Variants in PCDHA8 observed in about 807,000 individuals in gnomAD.
The protein encoded by PCDHA8 is protocadherin alpha 8.
A neutral mutation model predicts 61.8 loss-of-function variants in PCDHA8; 53 were observed. The ratio of observed to expected loss-of-function variants is 0.86; its 90% CI spans 0.69 to 1.08. The LOEUF is 1.08. Ranked by LOEUF, PCDHA8 falls within the 50% of genes least tolerant of loss-of-function variation. The probability of loss-of-function intolerance (pLI) is 0.00; values close to 1 mark genes in which losing one functional copy is unlikely to be tolerated. For missense variants in PCDHA8, 1,293 were observed against 1,245.0 expected (o/e 1.04, Z -0.58); for synonymous variants, 618 against 556.6 (o/e 1.11, Z -1.55).
At chr5:140,979,399 G>T (rs1352440599) in intron 2 of PCDHA8, among the ~76,000 whole-genome samples, 1 of 151,708 alleles carries the variant, frequency 6.6e-6, no homozygotes. Flanking sequence ...CATACATGTT[G>T]TCTACCTTGT....
At chr5:140,991,026 T>A (rs1003749305) in intron 3 of PCDHA8, among the ~76,000 whole-genome samples, 8 of 152,210 alleles carry the variant, frequency 5.3e-5, no homozygotes, top group Admixed American at 2.0e-4. Context: ...ACTTTACATA[T>A]GTTGCATACT....
chr5:140,978,702 T>G (rs1200035752), intron 1 of PCDHA8, among the ~76,000 whole-genome samples: 2 of 152,252 alleles, frequency 1.3e-5, no homozygotes, highest in Non-Finnish European at 2.9e-5. Context: ...AAGCCAAAGG[T>G]GGCCTTTACA....
Position 140,843,107 on chromosome 5 carries a change from G to A in PCDHA8, c.1786G>A (p.Ala596Thr). Reference sequence around the variant, plus strand: ...GGGCCACGTGGTAGCGAAGGTGCGCGCAGTGGACGCCGACTCGGGCTACAA... The same window carrying A: ...GGGCCACGTGGTAGCGAAGGTGCGCACAGTGGACGCCGACTCGGGCTACAA... Reference protein sequence around the residue: ...GAGHVVAKVRAVDADSGYNAW... With the variant: ...GAGHVVAKVRTVDADSGYNAW... Residue 596 changes from alanine (A) to threonine (T), a missense_variant, in exon 1 of 4, where the codon GCA becomes ACA. By Grantham distance (58) the Ala-to-Thr change is moderately conservative. Coordinates refer to ENST00000531613, the MANE Select transcript of PCDHA8 (RefSeq NM_018911.3). 2 of 1,595,816 alleles carry A rather than the reference G, an allele frequency of 1.3e-6. No homozygotes were observed. Among genetic ancestry groups the A allele is most frequent in the Non-Finnish European group, 1.7e-6 (2 of 1,165,524 alleles).
intron 1 of PCDHA8, among the ~76,000 whole-genome samples, chr5:140,935,064 T>C (rs782620164): frequency 5.9e-5 from 9 of 152,252 alleles, no homozygotes; most frequent in Admixed American, 2.0e-4. Flanking sequence ...GATGTTCAGA[T>C]TATCTTGTAC....
At position 140,849,459 on chromosome 5, in the gene PCDHA8, G is replaced by A. The variant is rs2150438078; in HGVS notation, c.2394+5744G>A. On this transcript the variant is annotated intron_variant, in intron 1 of 3. Transcript: ENST00000531613. ...TAGAGCACACAAGATCCCAGTCGAG[G>A]CTGTCGATAAAGGCTTCCCACCCCT... 169 of 1,587,860 alleles carry A rather than the reference G, an allele frequency of 1.1e-4. 13 individuals carry two copies. The highest frequency in any genetic ancestry group is 1.4e-4 in the Non-Finnish European group (163 of 1,161,590).
At chr5:140,881,259 C>A in intron 1 of PCDHA8, 1 of 524,594 alleles carries the variant, frequency 1.9e-6, no homozygotes, top group Non-Finnish European at 2.4e-6. Flanking sequence ...AGGTTTTACT[C>A]AGTGATGATG....
At chr5:140,886,827 GAAAAAAA>G (rs782016620) in intron 1 of PCDHA8, among the ~76,000 whole-genome samples, 7 of 60,890 alleles carry the variant, frequency 1.1e-4, no homozygotes, top group African/African-American at 4.2e-4. Context: ...ACTTCGTCTT[GAAAAAAA>G]AAAAAAAAAA....
intron 1 of PCDHA8, among the ~76,000 whole-genome samples, chr5:140,904,620 A>T (rs1419190047): frequency 6.6e-6 from 1 of 151,986 alleles, no homozygotes; most frequent in Non-Finnish European, 1.5e-5. Flanking sequence ...TTTTACTTTT[A>T]GTTCTTTAAG....
chr5:140,896,762 T>C (rs1408695272), intron 1 of PCDHA8, among the ~76,000 whole-genome samples: 1 of 152,224 alleles, frequency 6.6e-6, no homozygotes, highest in Non-Finnish European at 1.5e-5. Context: ...TAGACCTTTG[T>C]TGGATGCATA....
In PCDHA8 at chr5:140,871,231, C is replaced by A. The variant is rs371096811; in HGVS notation, c.2394+27516C>A. The A allele has an allele frequency of 1.9e-6, 3 of 1,613,814 alleles. No individual in the cohort carries two copies. The African/African-American group carries it at 4.0e-5, about 22-fold the overall frequency. On this transcript the variant is annotated intron_variant, in intron 1 of 3. Coordinates refer to ENST00000531613, the MANE Select transcript of PCDHA8 (RefSeq NM_018911.3). ...CGCCATCTGCGTGGTGTCCAGCCTC[C>A]TGGTACTCACGCTGCTGCTGTATAC...
rs1305231081 is a variant in PCDHA8 at position 141,010,857 on chromosome 5, G to A, written c.*920G>A. The A allele has an allele frequency of 6.5e-6, 1 of 153,732 alleles. No homozygotes were observed. The highest frequency in any genetic ancestry group is 2.4e-5 in the African/African-American group (1 of 41,448). 9.5% of individuals were successfully genotyped at this position (153,732 alleles called of 1,614,324 possible). ...ATAGATTTATTTAAAAAAAGAGAAAGTCTATAGCTATAAATCTTTAAAGAG... is the reference window on the plus strand; with the variant it reads ...ATAGATTTATTTAAAAAAAGAGAAAATCTATAGCTATAAATCTTTAAAGAG... On this transcript the variant is annotated 3_prime_UTR_variant, in exon 4 of 4. Transcript: ENST00000531613.
intron 1 of PCDHA8, among the ~76,000 whole-genome samples, chr5:140,885,103 C>G (rs1336980793): frequency 6.6e-6 from 1 of 152,018 alleles, no homozygotes; most frequent in Non-Finnish European, 1.5e-5. Context: ...CACATAAATG[C>G]TTTTTTTAAG....
At chr5:140,920,616 C>A (rs929240808) in intron 1 of PCDHA8, among the ~76,000 whole-genome samples, 1 of 152,012 alleles carries the variant, frequency 6.6e-6, no homozygotes, top group African/African-American at 2.4e-5. Flanking sequence ...GAGGCCGAGG[C>A]GGATGGATCA....
intron 1 of PCDHA8, among the ~76,000 whole-genome samples, chr5:140,917,832 C>T (rs1554198323): frequency 1.3e-5 from 2 of 151,488 alleles, no homozygotes; most frequent in Admixed American, 6.6e-5. Context: ...AGTGTGATGT[C>T]CTTCTTGTTC....
chr5:140,948,705 T>C (rs1585306851), intron 1 of PCDHA8, among the ~76,000 whole-genome samples: 1 of 151,580 alleles, frequency 6.6e-6, no homozygotes, highest in African/African-American at 2.4e-5. Context: ...ATTTGTGTTC[T>C]ATCCTCTTTT....
At position 140,997,438 on chromosome 5, in the gene PCDHA8, A is replaced by G. The variant is rs182158337; in HGVS notation, c.2543-12189A>G. ...CTCCTAGGCTACAAACCTGTATATC[A>G]TGTTACTATACTGAATACTGTAGGC... On this transcript the variant is annotated intron_variant, in intron 3 of 3. Transcript: ENST00000531613. Among the ~76,000 whole-genome samples, 274 of 152,308 alleles carry G rather than the reference A, an allele frequency of 1.8e-3. 2 individuals are homozygous for G. The highest frequency in any genetic ancestry group is 6.0e-3 in the African/African-American group (248 of 41,560).
chr5:140,928,949 T>C, intron 1 of PCDHA8: 1 of 1,614,066 alleles, frequency 6.2e-7, no homozygotes, highest in Non-Finnish European at 8.5e-7. Flanking sequence ...TATTTAGTAA[T>C]TGCCTTGGCT....
At chr5:140,927,678 A>G in intron 1 of PCDHA8, 1 of 1,614,180 alleles carries the variant, frequency 6.2e-7, no homozygotes, top group Non-Finnish European at 8.5e-7. Context: ...ATCCAGATGA[A>G]GGGTCCAATG....
rs544683188 is a variant in PCDHA8 at position 140,871,907 on chromosome 5, C to G, written c.2394+28192C>G. ...TCTTTGTCTTTTAGCAGAGTTTTGC[C>G]TTGATATTTCCACATTGTTAGATCA... On this transcript the variant is annotated intron_variant, in intron 1 of 3. Coordinates refer to ENST00000531613, the MANE Select transcript of PCDHA8 (RefSeq NM_018911.3). Among the ~76,000 whole-genome samples the G allele has an allele frequency of 3.9e-5, 6 of 152,316 alleles. No homozygotes were observed. In the South Asian group the frequency reaches 1.2e-3, roughly 32 times the overall value.
Sources: gnomAD v4.1 joint callset for allele counts (sites outside exome capture counted in the v4.1 genomes callset) on GRCh38, gnomAD v4.1.1 for gene constraint, MANE v1.5 for transcripts, NCBI Gene and HGNC (gene_info 2026-07-23, HGNC 2026-07-21) for gene names.